CAMKMT: variants seen among roughly 807,000 people sequenced by gnomAD.
CAMKMT encodes the protein calmodulin-lysine N-methyltransferase, also known as CaM KMT.
A neutral mutation model predicts 48.0 loss-of-function variants in CAMKMT; 53 were observed. The observed-to-expected ratio is 1.10, with a 90% CI of 0.89 to 1.39. The LOEUF is 1.39. CAMKMT is among the 40% of genes most tolerant of loss of function. CAMKMT has a pLI of 0.00. For missense variants in CAMKMT, 428 were observed against 402.7 expected (o/e 1.06, Z -0.54); for synonymous variants, 165 against 152.3 (o/e 1.08, Z -0.61).
intron 3 of CAMKMT, among the ~76,000 whole-genome samples, chr2:44,537,401 G>C (rs1666834830): frequency 6.6e-6 from 1 of 152,148 alleles, no homozygotes; most frequent in African/African-American, 2.4e-5. Context: ...CAAATGGCCA[G>C]TAGGTATATG....
chr2:44,440,276 G>A (rs780382713), intron 3 of CAMKMT, among the ~76,000 whole-genome samples: 1 of 152,060 alleles, frequency 6.6e-6, no homozygotes, highest in Non-Finnish European at 1.5e-5. Flanking sequence ...ATGTAACCTC[G>A]GGACCTCAGG....
intron 3 of CAMKMT, among the ~76,000 whole-genome samples, chr2:44,577,674 G>A (rs376294115): frequency 1.8e-5 from 2 of 109,104 alleles, no homozygotes; most frequent in Non-Finnish European, 3.9e-5. Flanking sequence ...AGAGGGAGAG[G>A]GAGACAGAGA....
At chr2:44,633,869 T>C (rs570376086) in intron 3 of CAMKMT, among the ~76,000 whole-genome samples, 1 of 152,312 alleles carries the variant, frequency 6.6e-6, no homozygotes, top group East Asian at 1.9e-4. Flanking sequence ...TTTTTTGTTT[T>C]GGTAGTCAGT....
intron 8 of CAMKMT, among the ~76,000 whole-genome samples, chr2:44,749,319 T>A (rs919841801): frequency 2.0e-5 from 3 of 152,152 alleles, no homozygotes; most frequent in Admixed American, 1.3e-4. Flanking sequence ...AGTTGGTTCA[T>A]CCTTGACAGT....
chr2:44,574,543 C>G (rs1280426545), intron 3 of CAMKMT, among the ~76,000 whole-genome samples: 2 of 151,882 alleles, frequency 1.3e-5, no homozygotes, highest in African/African-American at 4.8e-5. Context: ...TAGGAATTAG[C>G]TAGCCCTGAG....
chr2:44,534,576 C>T (rs1470310371), intron 3 of CAMKMT, among the ~76,000 whole-genome samples: 1 of 151,980 alleles, frequency 6.6e-6, no homozygotes, highest in Non-Finnish European at 1.5e-5. Flanking sequence ...TAGAAATCAA[C>T]AATAATTTGA....
intron 3 of CAMKMT, among the ~76,000 whole-genome samples, chr2:44,607,910 A>C (rs1411407349): frequency 6.6e-6 from 1 of 152,022 alleles, no homozygotes; most frequent in African/African-American, 2.4e-5. Context: ...CCCATTACCC[A>C]ATATACCCAT....
chr2:44,634,776 G>T (rs952285307), intron 3 of CAMKMT, among the ~76,000 whole-genome samples: 17 of 123,014 alleles, frequency 1.4e-4, no homozygotes, highest in African/African-American at 5.3e-4. Flanking sequence ...GGTTTTATAG[G>T]TATTCTCCAG....
At chr2:44,671,736 A>C (rs1207489662) in intron 3 of CAMKMT, among the ~76,000 whole-genome samples, 1 of 152,118 alleles carries the variant, frequency 6.6e-6, no homozygotes, top group African/African-American at 2.4e-5. Flanking sequence ...TCAACTCCCC[A>C]AGCCCTTTTA....
chr2:44,418,146 C>T (rs546577363), intron 3 of CAMKMT, among the ~76,000 whole-genome samples: 10 of 148,918 alleles, frequency 6.7e-5, no homozygotes, highest in African/African-American at 2.2e-4. Context: ...GAGCCAAGAT[C>T]GCGCCATTGC....
rs1673104984 is a variant in CAMKMT, at chr2:44,635,952, T to TA, written c.377-68330dup. Among the ~76,000 whole-genome samples the TA allele has an allele frequency of 2.0e-5, 3 of 152,234 alleles. No homozygotes were observed. The South Asian group carries it at 6.2e-4, about 32-fold the overall frequency. Reference sequence around the variant, plus strand: ...ACAGCAAACAATCCAACTGGTTTCCTATATAGATATTTCAGTGGGCTACGT... The same window carrying TA: ...ACAGCAAACAATCCAACTGGTTTCCTAATATAGATATTTCAGTGGGCTACGT... On this transcript the variant is annotated intron_variant, in intron 3 of 10. Coordinates refer to ENST00000378494, the MANE Select transcript of CAMKMT (RefSeq NM_024766.5).
At chr2:44,420,033 C>T (rs530176201) in intron 3 of CAMKMT, among the ~76,000 whole-genome samples, 63 of 152,156 alleles carry the variant, frequency 4.1e-4, no homozygotes, top group African/African-American at 1.4e-3. Flanking sequence ...GATTGCTGAT[C>T]GCCCAAGTTT....
intron 3 of CAMKMT, among the ~76,000 whole-genome samples, chr2:44,599,323 A>T (rs1379244814): frequency 2.0e-5 from 3 of 152,132 alleles, no homozygotes; most frequent in African/African-American, 7.2e-5. Context: ...TCTTTGCCTG[A>T]AGGGCTCCAG....
At chr2:44,522,348 T>A (rs1671163844) in intron 3 of CAMKMT, among the ~76,000 whole-genome samples, 1 of 152,166 alleles carries the variant, frequency 6.6e-6, no homozygotes, top group Non-Finnish European at 1.5e-5. Context: ...CTGTCTAAAC[T>A]GATACAATTC....
chr2:44,732,865 A>G (rs568858759), intron 7 of CAMKMT, among the ~76,000 whole-genome samples: 3 of 152,302 alleles, frequency 2.0e-5, no homozygotes, highest in African/African-American at 7.2e-5. Context: ...ATTTTCTTCC[A>G]GCCTGTAGCT....
At chr2:44,689,665 A>G (rs1457696476) in intron 3 of CAMKMT, among the ~76,000 whole-genome samples, 1 of 152,146 alleles carries the variant, frequency 6.6e-6, no homozygotes, top group Non-Finnish European at 1.5e-5. Flanking sequence ...CCCTCCTGCT[A>G]GGAACTCTGT....
At chr2:44,505,893 A>C (rs1268343700) in intron 3 of CAMKMT, among the ~76,000 whole-genome samples, 1 of 150,834 alleles carries the variant, frequency 6.6e-6, no homozygotes, top group East Asian at 1.9e-4. Flanking sequence ...TTTGAGACAG[A>C]GTCTGGCTCT....
chr2:44,763,633 C>T (rs925876958), intron 9 of CAMKMT, among the ~76,000 whole-genome samples: 1 of 152,046 alleles, frequency 6.6e-6, no homozygotes, highest in African/African-American at 2.4e-5. Context: ...AAAATAAGCC[C>T]GGCGAGGGAC....
At chr2:44,379,545 T>C (rs1438121570) in intron 2 of CAMKMT, among the ~76,000 whole-genome samples, 1 of 152,194 alleles carries the variant, frequency 6.6e-6, no homozygotes, top group Non-Finnish European at 1.5e-5. Flanking sequence ...TGTTTTAGTT[T>C]CTCCCCATAC....
Sources: allele counts gnomAD v4.1 joint callset (sites outside exome capture counted in the v4.1 genomes callset), GRCh38; gene constraint gnomAD v4.1.1; transcripts MANE v1.5; gene names NCBI Gene and HGNC (gene_info 2026-07-23, HGNC 2026-07-21).